Variants in ATF3 observed in about 807,000 individuals in gnomAD.
ATF3 encodes cyclic AMP-dependent transcription factor ATF-3.
In ATF3, 10 loss-of-function variants were observed where a neutral mutation model predicts 18.4. That is an observed-to-expected ratio of 0.54 (90% CI 0.34 to 0.92). ATF3 has a LOEUF of 0.92. Among genes scored for constraint, ATF3 ranks in the 40% least tolerant of loss-of-function variants. The pLI, the probability that ATF3 is intolerant of heterozygous loss-of-function variation, is 0.02. For missense variants in ATF3, 183 were observed against 222.3 expected, an observed-to-expected ratio of 0.82 and a Z score of 1.12; for synonymous variants, 78 against 87.9, an observed-to-expected ratio of 0.89 and a Z score of 0.63.
At chr1:212,595,548 A>C (rs1664975274) in intron 1 of ATF3, among the ~76,000 whole-genome samples, 1 of 152,360 alleles carries the variant, frequency 6.6e-6, no homozygotes, top group Non-Finnish European at 1.5e-5. Context: ...CAGGGACCGG[A>C]AATGTGCGGG....
At chr1:212,602,872 C>A (rs940606418) in intron 1 of ATF3, among the ~76,000 whole-genome samples, 1 of 152,190 alleles carries the variant, frequency 6.6e-6, no homozygotes, top group African/African-American at 2.4e-5. Flanking sequence ...TTCTCTCTTT[C>A]CTTAGAAATC....
chr1:212,569,661 A>T (rs1664445399), intron 1 of ATF3, among the ~76,000 whole-genome samples: 3 of 151,944 alleles, frequency 2.0e-5, no homozygotes, highest in Admixed American at 1.3e-4. Flanking sequence ...TCCACCTCAT[A>T]AGAATTCTTC....
intron 1 of ATF3, among the ~76,000 whole-genome samples, chr1:212,566,584 G>T (rs1664386730): frequency 6.6e-6 from 1 of 152,172 alleles, no homozygotes; most frequent in Admixed American, 6.5e-5. Flanking sequence ...AGGGCATAGA[G>T]GGGGTGGAGG....
chr1:212,575,261 A>C (rs1407176955), intron 1 of ATF3, among the ~76,000 whole-genome samples: 1 of 152,006 alleles, frequency 6.6e-6, no homozygotes, highest in Non-Finnish European at 1.5e-5. Flanking sequence ...GAGGTCTTTC[A>C]TACCTTTTAA....
intron 1 of ATF3, among the ~76,000 whole-genome samples, chr1:212,600,998 T>C (rs17019442): frequency 0.086 from 13,084 of 152,252 alleles, 648 homozygotes; most frequent in Middle Eastern, 0.17. Context: ...TCTTATATTG[T>C]CCTTGTAACC....
chr1:212,573,465 G>T (rs1486764285), intron 1 of ATF3, among the ~76,000 whole-genome samples: 2 of 151,758 alleles, frequency 1.3e-5, no homozygotes, highest in Admixed American at 1.3e-4. Context: ...CCCTCCTTGG[G>T]TTATTTTGAT....
At chr1:212,607,934 G>C (rs1654691701), upstream of ATF3, among the ~76,000 whole-genome samples, 1 of 151,942 alleles carries the variant, frequency 6.6e-6, no homozygotes, top group Non-Finnish European at 1.5e-5. Flanking sequence ...GAACCGATAC[G>C]GTCCTACCAC....
At chr1:212,589,281 C>T (rs1041424123) in intron 1 of ATF3, among the ~76,000 whole-genome samples, 7 of 152,156 alleles carry the variant, frequency 4.6e-5, no homozygotes, top group Admixed American at 4.6e-4. Context: ...GGAAACAGAG[C>T]TCATTGTAAA....
At chr1:212,572,779 C>T (rs1454597846) in intron 1 of ATF3, among the ~76,000 whole-genome samples, 1 of 152,130 alleles carries the variant, frequency 6.6e-6, no homozygotes, top group African/African-American at 2.4e-5. Context: ...TTTTCCAAGG[C>T]ATTCCATAGA....
At chr1:212,598,898 C>G (rs906427373) in intron 1 of ATF3, among the ~76,000 whole-genome samples, 2 of 152,196 alleles carry the variant, frequency 1.3e-5, no homozygotes, top group African/African-American at 4.8e-5. Context: ...ATCTTGGCTA[C>G]TGTGAACAGA....
In ATF3 at chr1:212,619,593, G is replaced by T. The variant is rs1245638647; in HGVS notation, c.*38G>T. ...TGGGGGCGACTGGGGAGTCCTCATT[G>T]AATCCTCATTTTATACCCAAAACCC... On this transcript the variant is annotated 3_prime_UTR_variant, in exon 4 of 4. Coordinates refer to ENST00000341491, the MANE Select transcript of ATF3 (RefSeq NM_001674.4). The surrounding 1 kb of genome is among the most constrained non-coding windows in gnomAD (Gnocchi z 4.4). The T allele has an allele frequency of 3.7e-6, 6 of 1,609,906 alleles. No homozygotes were observed. Among genetic ancestry groups the T allele is most frequent in the Non-Finnish European group, 5.1e-6 (6 of 1,178,014 alleles).
chr1:212,574,315 A>G (rs1413368358), intron 1 of ATF3, among the ~76,000 whole-genome samples: 2 of 151,514 alleles, frequency 1.3e-5, no homozygotes, highest in Non-Finnish European at 3.0e-5. Context: ...TTCTGTTTTA[A>G]TTTTCTGTCC....
At chr1:212,589,802 CTTT>C (rs35586185) in intron 1 of ATF3, among the ~76,000 whole-genome samples, 3,453 of 143,226 alleles carry the variant, frequency 0.024, 162 homozygotes, top group African/African-American at 0.082. Flanking sequence ...TCTTGGTCAA[CTTT>C]TTTTTTTTTT....
intron 1 of ATF3, among the ~76,000 whole-genome samples, chr1:212,584,191 T>C (rs1664736754): frequency 2.0e-5 from 3 of 152,162 alleles, no homozygotes. Context: ...TGAACAACTT[T>C]TACCGTCCGG....
intron 1 of ATF3, among the ~76,000 whole-genome samples, chr1:212,566,031 G>A (rs1288783585): frequency 6.6e-6 from 1 of 152,148 alleles, no homozygotes; most frequent in Non-Finnish European, 1.5e-5. Flanking sequence ...ACTGGATATG[G>A]GCTGGATATG....
At chr1:212,603,338 C>G (rs565914873) in intron 1 of ATF3, among the ~76,000 whole-genome samples, 75 of 152,242 alleles carry the variant, frequency 4.9e-4, no homozygotes, top group African/African-American at 1.4e-3. Context: ...GGATGGGAAG[C>G]AGAGAGGGGC....
intron 2 of ATF3, 102 bp downstream of exon 2, chr1:212,615,363 C>G: frequency 7.1e-7 from 1 of 1,411,794 alleles, no homozygotes; most frequent in Non-Finnish European, 9.6e-7. Flanking sequence ...GAGAGTGAAA[C>G]AAACAAAACC....
At chr1:212,567,211 GAGGTGCAGCTGCCGTAGGAGC>G (rs1310178566) in intron 1 of ATF3, among the ~76,000 whole-genome samples, 1 of 151,910 alleles carries the variant, frequency 6.6e-6, no homozygotes, top group Non-Finnish European at 1.5e-5. Flanking sequence ...AGGTTGGCAG[GAGGTGCAGCTGCCGTAGGAGC>G]AGCATGCTGT....
At chr1:212,579,415 T>A (rs2102625796) in intron 1 of ATF3, among the ~76,000 whole-genome samples, 1 of 152,322 alleles carries the variant, frequency 6.6e-6, no homozygotes, top group South Asian at 2.1e-4. Context: ...AGTATATATT[T>A]TTTTATTACC....
Sources: allele counts gnomAD v4.1 joint callset (sites outside exome capture counted in the v4.1 genomes callset), GRCh38; gene constraint gnomAD v4.1.1; non-coding constraint Gnocchi (gnomAD v3.1); transcripts MANE v1.5; gene names NCBI Gene and HGNC (gene_info 2026-07-23, HGNC 2026-07-21).